Variants in NOVA1 observed in about 807,000 individuals in gnomAD.
NOVA1 encodes the protein RNA-binding protein Nova-1.
Under a neutral mutation model 38.0 loss-of-function variants are expected in NOVA1, and 7 were observed. The ratio of observed to expected loss-of-function variants is 0.18; its 90% CI spans 0.10 to 0.35. The LOEUF (loss-of-function observed/expected upper bound fraction) is 0.35, where lower values mean the gene tolerates loss of function less well. Among genes scored for constraint, NOVA1 ranks in the 10% least tolerant of loss-of-function variants. NOVA1 has a pLI of 1.00. For missense variants in NOVA1, 460 were observed against 616.0 expected, an observed-to-expected ratio of 0.75 and a Z score of 2.68; for synonymous variants, 270 against 232.5, an observed-to-expected ratio of 1.16 and a Z score of -1.47.
At chr14:26,588,073 T>C (rs1401132240) in intron 2 of NOVA1, among the ~76,000 whole-genome samples, 1 of 151,142 alleles carries the variant, frequency 6.6e-6, no homozygotes, top group Non-Finnish European at 1.5e-5. Flanking sequence ...AAACTTACAC[T>C]GTGAGTAAAA....
In NOVA1 at chr14:26,447,234, CA is replaced by C. The variant is rs1882150369; in HGVS notation, c.*724del. 6.5e-6 allele frequency: 1 copy of C among 152,752 alleles called. No homozygotes were observed. Among genetic ancestry groups the C allele is most frequent in the South Asian group, 2.1e-4 (1 of 4,828 alleles). 9.5% of individuals were successfully genotyped at this position (152,752 alleles called of 1,614,324 possible). On this transcript the variant is annotated 3_prime_UTR_variant, in exon 5 of 5. Coordinates refer to ENST00000539517, the MANE Select transcript of NOVA1 (RefSeq NM_002515.3). ...CAGTAGTGAATTCAGTGCTTAAAAA[CA>C]AATGTACAAACCTCTGAAGAGGTGG...
intron 4 of NOVA1, among the ~76,000 whole-genome samples, chr14:26,468,310 T>TA (rs58883834): frequency 6.9e-6 from 1 of 144,768 alleles, no homozygotes; most frequent in African/African-American, 2.5e-5. Flanking sequence ...TCAAACAGGT[T>TA]AAAAAAAAAA....
intron 2 of NOVA1, among the ~76,000 whole-genome samples, chr14:26,486,258 T>C (rs1425433827): frequency 6.6e-6 from 1 of 152,134 alleles, no homozygotes; most frequent in Non-Finnish European, 1.5e-5. Context: ...TCTATTCTTT[T>C]AGTTTTCATA....
intron 4 of NOVA1, among the ~76,000 whole-genome samples, chr14:26,466,057 A>G (rs1442795497): frequency 1.3e-5 from 2 of 152,128 alleles, no homozygotes; most frequent in Admixed American, 6.6e-5. Context: ...TGAATAGACT[A>G]GAAAGCGATG....
chr14:26,485,258 T>C lies in NOVA1; in HGVS notation c.281-5115A>G, dbSNP rs1885792685. 3.3e-5 allele frequency among the ~76,000 whole-genome samples: 5 copies of C among 152,082 alleles called. No homozygotes were observed. In the South Asian group the frequency reaches 1.0e-3, roughly 32 times the overall value. Reference sequence around the variant, plus strand: ...AATTTCTTGTCTGTATTTTGAAACATATATGTGATTGATTTCTAAGGCCTT... The same window carrying C: ...AATTTCTTGTCTGTATTTTGAAACACATATGTGATTGATTTCTAAGGCCTT... On this transcript the variant is annotated intron_variant, in intron 2 of 4. Coordinates refer to ENST00000539517, the MANE Select transcript of NOVA1 (RefSeq NM_002515.3).
intron 4 of NOVA1, among the ~76,000 whole-genome samples, chr14:26,460,505 C>A (rs1394119344): frequency 1.3e-5 from 2 of 151,744 alleles, no homozygotes. Context: ...TAAAAAGGAA[C>A]GTTTTCTTTT....
At chr14:26,506,871 C>CT (rs1373556632) in intron 2 of NOVA1, among the ~76,000 whole-genome samples, 1 of 151,928 alleles carries the variant, frequency 6.6e-6, no homozygotes, top group Non-Finnish European at 1.5e-5. Flanking sequence ...TGAGCCACCG[C>CT]GCCAGGCCAA....
intron 2 of NOVA1, chr14:26,519,431 G>C (rs915212634): frequency 6.6e-6 from 1 of 152,110 alleles, no homozygotes; most frequent in Admixed American, 6.6e-5. Flanking sequence ...ACTAAGAATA[G>C]GTAGAGTAGG....
At chr14:26,481,988 TAAAAAAAAAAAAAA>T (rs372806170) in intron 2 of NOVA1, among the ~76,000 whole-genome samples, 13 of 105,962 alleles carry the variant, frequency 1.2e-4, no homozygotes, top group African/African-American at 5.1e-4. Context: ...TAGATAGAGA[TAAAAAAAAAAAAAA>T]AAAAAAAAAA....
At chr14:26,464,469 T>C (rs1883956059) in intron 4 of NOVA1, among the ~76,000 whole-genome samples, 1 of 152,232 alleles carries the variant, frequency 6.6e-6, no homozygotes, top group Non-Finnish European at 1.5e-5. Flanking sequence ...CAATATCGTT[T>C]AGGATACTTT....
At chr14:26,536,110 G>C (rs1390403839) in intron 2 of NOVA1, among the ~76,000 whole-genome samples, 2 of 152,036 alleles carry the variant, frequency 1.3e-5, no homozygotes, top group Non-Finnish European at 2.9e-5. Flanking sequence ...GACAGGCATA[G>C]AACGACAAAG....
rs1037567895 is a variant in NOVA1 at position 26,561,557 on chromosome 14, T to C, written c.280+33853A>G. On this transcript the variant is annotated intron_variant, in intron 2 of 4. Transcript: ENST00000539517. ...AATTATATCCTCAGCAGGAAGGCAA[T>C]AGGTTTCTATCTACACTAAGGAAAG... Among the ~76,000 whole-genome samples, 3 of 151,920 alleles carry C rather than the reference T, an allele frequency of 2.0e-5. 1 individual carries two copies. Among genetic ancestry groups the C allele is most frequent in the South Asian group, 4.1e-4 (2 of 4,824 alleles).
chr14:26,465,423 G>A (rs566964524), intron 4 of NOVA1, among the ~76,000 whole-genome samples: 2 of 152,162 alleles, frequency 1.3e-5, no homozygotes, highest in Admixed American at 6.5e-5. Flanking sequence ...CACTCGCCTC[G>A]GCCTCCCAAA....
chr14:26,537,875 T>A (rs1184918993), intron 2 of NOVA1, among the ~76,000 whole-genome samples: 1 of 152,164 alleles, frequency 6.6e-6, no homozygotes, highest in Non-Finnish European at 1.5e-5. Context: ...ATTAGGAAAC[T>A]GGGAATAGCT....
intron 2 of NOVA1, among the ~76,000 whole-genome samples, chr14:26,537,162 A>T (rs1423325531): frequency 2.0e-5 from 3 of 152,128 alleles, no homozygotes; most frequent in Non-Finnish European, 4.4e-5. Flanking sequence ...GGATTGATAA[A>T]TATATCAAAT....
intron 4 of NOVA1, among the ~76,000 whole-genome samples, chr14:26,451,965 A>G (rs1045173544): frequency 1.3e-5 from 2 of 152,196 alleles, no homozygotes; most frequent in African/African-American, 2.4e-5. Flanking sequence ...ACTTAAGACC[A>G]GACTTAATGT....
At chr14:26,472,268 G>T (rs1423153925) in intron 4 of NOVA1, 52 bp downstream of exon 4, 2 of 1,065,774 alleles carry the variant, frequency 1.9e-6, no homozygotes, top group Non-Finnish European at 2.9e-6. Context: ...TCTCCAGTTT[G>T]CAGGCAATCA....
intron 2 of NOVA1, among the ~76,000 whole-genome samples, chr14:26,595,058 T>A (rs140301107): frequency 6.6e-6 from 1 of 152,228 alleles, no homozygotes; most frequent in East Asian, 1.9e-4. Context: ...CTAAGCTAAT[T>A]GTCATTACAA....
chr14:26,588,540 G>C (rs1893666300), intron 2 of NOVA1: 1 of 151,468 alleles, frequency 6.6e-6, no homozygotes, highest in South Asian at 2.1e-4. Flanking sequence ...TCATGATCAA[G>C]ATTTGGATAT....
Sources: gnomAD v4.1 joint callset for allele counts (sites outside exome capture counted in the v4.1 genomes callset) on GRCh38, gnomAD v4.1.1 for gene constraint, MANE v1.5 for transcripts, NCBI Gene and HGNC (gene_info 2026-07-23, HGNC 2026-07-21) for gene names.